Variants in KCNH5 observed in about 807,000 individuals in gnomAD.
The protein encoded by KCNH5 is potassium voltage-gated channel subfamily H member 5.
KCNH5 carries 46 observed loss-of-function variants against 96.1 expected under a neutral mutation model. The ratio of observed to expected loss-of-function variants is 0.48; its 90% CI spans 0.38 to 0.61. The LOEUF (loss-of-function observed/expected upper bound fraction) is 0.61, where lower values mean the gene tolerates loss of function less well. KCNH5 is among the 20% of genes least tolerant of loss of function. The pLI is 0.00. For missense variants in KCNH5, 907 were observed against 1,225.8 expected (o/e 0.74, Z 3.88); for synonymous variants, 439 against 449.8 (o/e 0.98, Z 0.30).
At position 62,826,408 on chromosome 14, in the gene KCNH5, A is replaced by ATGTGTGTGTGTG. The variant is rs71451280; in HGVS notation, c.1569+23233_1569+23244dup. Among the ~76,000 whole-genome samples the ATGTGTGTGTGTG allele has an allele frequency of 1.1e-3, 160 of 142,078 alleles. 1 individual carries two copies. The highest frequency in any genetic ancestry group is 3.5e-3 in the Middle Eastern group (1 of 282). 93.2% of individuals were successfully genotyped at this position (142,078 alleles called of 152,430 possible). ...TGTGTGTGTGTGTGTGCGTGCGTGC[A>ATGTGTGTGTGTG]TGTGTGTGTGTGTGTGTGTGTGTGT... On this transcript the variant is annotated intron_variant, in intron 8 of 10. Coordinates refer to ENST00000322893, the MANE Select transcript of KCNH5 (RefSeq NM_139318.5).
At chr14:63,042,591 C>T (rs888906978) in intron 1 of KCNH5, among the ~76,000 whole-genome samples, 1 of 152,134 alleles carries the variant, frequency 6.6e-6, no homozygotes, top group African/African-American at 2.4e-5. Context: ...CAACACTTCA[C>T]TTTCAATGTT....
At chr14:62,994,857 T>G (rs959462349) in intron 4 of KCNH5, among the ~76,000 whole-genome samples, 3 of 152,060 alleles carry the variant, frequency 2.0e-5, no homozygotes, top group African/African-American at 7.2e-5. Context: ...CAATAATGAA[T>G]ATAAAATTCT....
At chr14:62,890,685 C>A (rs1383702889) in intron 7 of KCNH5, among the ~76,000 whole-genome samples, 1 of 129,264 alleles carries the variant, frequency 7.7e-6, no homozygotes, top group African/African-American at 3.0e-5. Flanking sequence ...GGGGACAGAG[C>A]GAGACTCCGT....
intron 10 of KCNH5, among the ~76,000 whole-genome samples, chr14:62,732,649 A>G (rs1885074828): frequency 6.6e-6 from 1 of 152,160 alleles, no homozygotes; most frequent in South Asian, 2.1e-4. Flanking sequence ...TGTGCCCTGC[A>G]ATCTTAGCCT....
intron 6 of KCNH5, among the ~76,000 whole-genome samples, chr14:62,967,144 G>T (rs1594650350): frequency 6.6e-6 from 1 of 152,126 alleles, no homozygotes; most frequent in African/African-American, 2.4e-5. Context: ...AACTCTGAAA[G>T]CTCCATCATT....
At chr14:62,834,790 T>A (rs912980705) in intron 8 of KCNH5, among the ~76,000 whole-genome samples, 2 of 152,010 alleles carry the variant, frequency 1.3e-5, no homozygotes, top group Non-Finnish European at 2.9e-5. Context: ...AAAAATGGAA[T>A]TCAAATTAAT....
chr14:62,858,452 G>A (rs765736143), intron 7 of KCNH5, among the ~76,000 whole-genome samples: 2 of 152,158 alleles, frequency 1.3e-5, no homozygotes, highest in Admixed American at 6.5e-5. Context: ...CTCCACTAGG[G>A]AGTAGTAAAC....
At chr14:63,041,660 A>G (rs1891826455) in intron 1 of KCNH5, among the ~76,000 whole-genome samples, 1 of 152,160 alleles carries the variant, frequency 6.6e-6, no homozygotes, top group Non-Finnish European at 1.5e-5. Flanking sequence ...TTTAAACTAA[A>G]AAGAATTCCT....
chr14:62,793,595 G>A (rs961210428), intron 9 of KCNH5, among the ~76,000 whole-genome samples: 4 of 151,580 alleles, frequency 2.6e-5, no homozygotes, highest in African/African-American at 9.7e-5. Context: ...TTTCTTTCTT[G>A]TATTATTGTT....
chr14:62,954,791 G>A (rs2140133830), intron 6 of KCNH5, among the ~76,000 whole-genome samples: 1 of 152,230 alleles, frequency 6.6e-6, no homozygotes, highest in African/African-American at 2.4e-5. Flanking sequence ...TCACAATCAT[G>A]GAGGAAGGCA....
intron 4 of KCNH5, among the ~76,000 whole-genome samples, chr14:62,989,617 G>A (rs912304554): frequency 1.3e-5 from 2 of 151,966 alleles, no homozygotes. Context: ...CTCTGTACAC[G>A]CACATCATGG....
chr14:63,016,831 C>G lies in KCNH5; in HGVS notation c.197G>C (p.Ser66Thr), dbSNP rs765728097. ...ATTACTTAGCTATTCTGTTACCTAC[C>G]TGCAAGTGCTGCTTTTCTGCATGAC... ...ADVMQKSSTC[S>T]FMYGELTDKK... Residue 66 changes from serine (S) to threonine (T), a missense_variant and splice_region_variant, in exon 2 of 11, where the codon AGT becomes ACT. By Grantham distance (58) the Ser-to-Thr change is moderately conservative (BLOSUM62 1). Transcript: ENST00000322893. 5 of 1,606,154 alleles carry G rather than the reference C, an allele frequency of 3.1e-6. No individual in the cohort carries two copies. The highest frequency in any genetic ancestry group is 4.2e-6 in the Non-Finnish European group (5 of 1,176,826).
chr14:62,866,870 A>G (rs1888143906), intron 7 of KCNH5, among the ~76,000 whole-genome samples: 1 of 152,184 alleles, frequency 6.6e-6, no homozygotes, highest in African/African-American at 2.4e-5. Context: ...TTACTGGAAC[A>G]GCCTCCTAAT....
intron 7 of KCNH5, among the ~76,000 whole-genome samples, chr14:62,938,291 C>T (rs917936843): frequency 6.6e-6 from 1 of 152,182 alleles, no homozygotes; most frequent in African/African-American, 2.4e-5. Flanking sequence ...ATAGTTCTCA[C>T]CCCATAAAGA....
At chr14:62,746,823 T>A (rs1226629029) in intron 10 of KCNH5, among the ~76,000 whole-genome samples, 2 of 152,274 alleles carry the variant, frequency 1.3e-5, no homozygotes, top group Non-Finnish European at 2.9e-5. Context: ...ACTAGTGGAA[T>A]GAGCTTGTTC....
chr14:62,985,524 G>C (rs1890687552), intron 5 of KCNH5, among the ~76,000 whole-genome samples: 1 of 152,182 alleles, frequency 6.6e-6, no homozygotes, highest in Admixed American at 6.5e-5. Context: ...AGTTACCTGA[G>C]AATATTTTGT....
chr14:62,735,441 T>C (rs1231540896), intron 10 of KCNH5, among the ~76,000 whole-genome samples: 1 of 152,190 alleles, frequency 6.6e-6, no homozygotes, highest in Non-Finnish European at 1.5e-5. Flanking sequence ...GATTCTTCAA[T>C]TTCACTGTTA....
In KCNH5 at chr14:62,707,948, C is replaced by A. The variant is rs1469502913; in HGVS notation, c.2527G>T (p.Asp843Tyr). The change falls in exon 11 of 11, where the codon GAC becomes TAC. Residue 843 changes from aspartate to tyrosine, a missense_variant. This residue lies in a region of KCNH5 where 362 missense variants were observed against 394.4 expected (regional missense o/e 0.92). Transcript: ENST00000322893. ...KAESMGLLSE[D>Y]PKSSDSENSV... ...TTCTCTGAATCACTGCTCTTGGGGTCCTCAGACAATAGCCCCATTGACTCA... is the reference window on the plus strand; with the variant it reads ...TTCTCTGAATCACTGCTCTTGGGGTACTCAGACAATAGCCCCATTGACTCA... The A allele has an allele frequency of 6.2e-7, 1 of 1,614,178 alleles. No homozygotes were observed. The highest frequency in any genetic ancestry group is 1.1e-5 in the South Asian group (1 of 91,078).
chr14:62,716,121 A>G (rs895686715), intron 10 of KCNH5, among the ~76,000 whole-genome samples: 4 of 152,316 alleles, frequency 2.6e-5, no homozygotes, highest in Middle Eastern at 3.4e-3. Context: ...TGCTAGCCTA[A>G]CTTTGAAATA....
Sources: gnomAD v4.1 joint callset for allele counts (sites outside exome capture counted in the v4.1 genomes callset) on GRCh38, gnomAD v4.1.1 for gene constraint, gnomAD v4.1.1 regional missense constraint, MANE v1.5 for transcripts, NCBI Gene and HGNC (gene_info 2026-07-23, HGNC 2026-07-21) for gene names.